Variants in GABRA1 observed in about 807,000 individuals in gnomAD.
GABRA1 encodes gamma-aminobutyric acid receptor subunit alpha-1.
In GABRA1, 9 loss-of-function variants were observed where a neutral mutation model predicts 48.9. That is an observed-to-expected ratio of 0.18 (90% CI 0.11 to 0.32). The LOEUF (loss-of-function observed/expected upper bound fraction) is 0.32, where lower values mean the gene tolerates loss of function less well. GABRA1 is among the 10% of genes least tolerant of loss of function. The pLI, the probability that GABRA1 is intolerant of heterozygous loss-of-function variation, is 1.00. For synonymous variants in GABRA1, 210 were observed against 198.7 expected, an observed-to-expected ratio of 1.06 and a Z score of -0.48; for missense variants, 285 against 553.8, an observed-to-expected ratio of 0.51 and a Z score of 4.87.
At position 161,890,835 on chromosome 5, in the gene GABRA1, C is replaced by T. The variant is rs994048314; in HGVS notation, c.704-63C>T. 2.0e-5 allele frequency: 29 copies of T among 1,451,758 alleles called. No individual in the cohort carries two copies. The East Asian group carries it at 6.1e-4, about 31-fold the overall frequency. The allele number at this position is 1,451,758 out of a possible 1,614,324, so 89.9% of individuals were successfully genotyped here. On this transcript the variant is annotated intron_variant, in intron 7 of 9. Coordinates refer to ENST00000393943, the MANE Select transcript of GABRA1 (RefSeq NM_001127644.2). ...CCAGACCTTTGGTACTCATAGTAAA[C>T]CTCAGAGATTACCTTTTTCTAAAGT... is the stretch of plus-strand genomic sequence containing the variant.
At chr5:161,887,923 C>T (rs1318436384) in intron 7 of GABRA1, among the ~76,000 whole-genome samples, 1 of 151,980 alleles carries the variant, frequency 6.6e-6, no homozygotes, top group Admixed American at 6.6e-5. Flanking sequence ...GAAACTGTAG[C>T]CAAATGAACC....
intron 1 of GABRA1, chr5:161,850,399 T>C (rs1225477592): frequency 4.9e-6 from 2 of 406,518 alleles, no homozygotes; most frequent in Non-Finnish European, 8.7e-6. Flanking sequence ...TTAAAAATTT[T>C]AATGCACAGT....
intron 9 of GABRA1, among the ~76,000 whole-genome samples, chr5:161,896,433 G>GGTAGAAAAT (rs1462483458): frequency 6.6e-6 from 1 of 152,120 alleles, no homozygotes; most frequent in Non-Finnish European, 1.5e-5. Flanking sequence ...AATGCCTCAT[G>GGTAGAAAAT]GTAGAAAATG....
intron 3 of GABRA1, among the ~76,000 whole-genome samples, chr5:161,863,038 C>T (rs902305454): frequency 6.6e-6 from 1 of 151,772 alleles, no homozygotes; most frequent in Admixed American, 6.6e-5. Flanking sequence ...TTTGAATTAT[C>T]GCTTCAAAAC....
intron 7 of GABRA1, among the ~76,000 whole-genome samples, chr5:161,889,964 G>A (rs1581214209): frequency 6.6e-6 from 1 of 151,916 alleles, no homozygotes; most frequent in East Asian, 1.9e-4. Context: ...TCAAAATTTA[G>A]GAAAAATTGG....
chr5:161,848,296 A>G lies in GABRA1; in HGVS notation c.-142A>G, dbSNP rs12658835. The G allele has an allele frequency of 0.19, 28,357 of 151,944 alleles. 3,307 individuals are homozygous for G. The highest frequency in any genetic ancestry group is 0.29 in the Middle Eastern group (86 of 294). 9.4% of individuals were successfully genotyped at this position (151,944 alleles called of 1,614,324 possible). A position where few individuals can be genotyped will look rare whatever the true frequency, so the allele number is the denominator to read the frequency against. ...CAAGTGAGTGAGAGGCAGAGCGAGG[A>G]CGCCCCTCTGCTCTGGCGCGCCCGG... On this transcript the variant is annotated 5_prime_UTR_variant, in exon 1 of 10. Coordinates refer to ENST00000393943, the MANE Select transcript of GABRA1 (RefSeq NM_001127644.2).
intron 8 of GABRA1, among the ~76,000 whole-genome samples, chr5:161,892,242 C>T (rs992062512): frequency 6.6e-6 from 1 of 152,164 alleles, no homozygotes; most frequent in Non-Finnish European, 1.5e-5. Context: ...AACTAGGCAC[C>T]TGCTGTTTTT....
rs913324358 is a variant in GABRA1, at chr5:161,892,183, G to A, written c.856+1133G>A. ...AACTTCATTTGGAAATCACCACTAC[G>A]TATTTATTGGTGAGAGGTGCAATTA... is the stretch of plus-strand genomic sequence containing the variant. On this transcript the variant is annotated intron_variant, in intron 8 of 9. Transcript: ENST00000393943. Among the ~76,000 whole-genome samples, 7 of 152,112 alleles carry A rather than the reference G, an allele frequency of 4.6e-5. No individual in the cohort carries two copies. In the East Asian group the frequency reaches 7.7e-4, roughly 17 times the overall value.
intron 3 of GABRA1, among the ~76,000 whole-genome samples, chr5:161,860,055 T>C (rs1006440044): frequency 2.0e-5 from 3 of 151,848 alleles, no homozygotes; most frequent in Non-Finnish European, 4.4e-5. Flanking sequence ...ATACTGTACC[T>C]AGACATTTCA....
chr5:161,886,956 A>C (rs1294409046), intron 7 of GABRA1, among the ~76,000 whole-genome samples: 1 of 152,128 alleles, frequency 6.6e-6, no homozygotes, highest in Non-Finnish European at 1.5e-5. Flanking sequence ...AGCCCATGCA[A>C]AAATTACTAC....
chr5:161,847,451 A>G (rs899215046), upstream of GABRA1: 2 of 152,162 alleles, frequency 1.3e-5, no homozygotes, highest in Non-Finnish European at 2.9e-5. Flanking sequence ...ACATAGACAA[A>G]CAGTTGCCTC....
At chr5:161,849,374 T>A (rs2113286559) in intron 1 of GABRA1, among the ~76,000 whole-genome samples, 1 of 152,290 alleles carries the variant, frequency 6.6e-6, no homozygotes, top group East Asian at 1.9e-4. Context: ...AATTTTGCAA[T>A]TTAGATGTAG....
In GABRA1 at chr5:161,891,407, G is replaced by A. The variant is rs911090775; in HGVS notation, c.856+357G>A. ...TAACATGAATCACTGAGTTGTTCGA[G>A]AAGCTTAGAAAATATCAGCAGAGCT... On this transcript the variant is annotated intron_variant, in intron 8 of 9. Coordinates refer to ENST00000393943, the MANE Select transcript of GABRA1 (RefSeq NM_001127644.2). Among the ~76,000 whole-genome samples, 4 of 152,178 alleles carry A rather than the reference G, an allele frequency of 2.6e-5. No homozygotes were observed. In the East Asian group the frequency reaches 7.7e-4, roughly 29 times the overall value.
At chr5:161,896,471 T>C (rs1384080913) in intron 9 of GABRA1, among the ~76,000 whole-genome samples, 3 of 152,144 alleles carry the variant, frequency 2.0e-5, no homozygotes, top group Non-Finnish European at 4.4e-5. Flanking sequence ...GCTGCTTCTC[T>C]CAATTAGAAC....
At chr5:161,892,251 T>C (rs1436954977) in intron 8 of GABRA1, among the ~76,000 whole-genome samples, 2 of 152,228 alleles carry the variant, frequency 1.3e-5, no homozygotes, top group African/African-American at 2.4e-5. Flanking sequence ...CCTGCTGTTT[T>C]TAAGAGCTGT....
chr5:161,888,512 A>T (rs1754946582), intron 7 of GABRA1, among the ~76,000 whole-genome samples: 1 of 152,078 alleles, frequency 6.6e-6, no homozygotes, highest in African/African-American at 2.4e-5. Flanking sequence ...TCTTTGCAAA[A>T]ATGTCATGTT....
At position 161,854,181 on chromosome 5, in the gene GABRA1, A is replaced by G; in HGVS notation, c.98A>G (p.Asp33Gly). 1 of 1,604,664 alleles carries G rather than the reference A, an allele frequency of 6.2e-7. No homozygotes were observed. The highest frequency in any genetic ancestry group is 8.5e-7 in the Non-Finnish European group (1 of 1,171,858). ...GRSYGQPSLQDELKDNTTVFT... is the reference protein window; with the variant it reads ...GRSYGQPSLQGELKDNTTVFT... ...AGCTATGGACAGCCGTCATTACAAG[A>G]TGAACTTAAAGACAATACCACTGTC... The change falls in exon 3 of 10, where the codon GAT (aspartate) becomes GGT (glycine). Residue 33 changes from aspartate to glycine, a missense_variant. By Grantham distance (94) the Asp-to-Gly change is moderately conservative (BLOSUM62 -1). Coordinates refer to ENST00000393943, the MANE Select transcript of GABRA1 (RefSeq NM_001127644.2).
intron 7 of GABRA1, among the ~76,000 whole-genome samples, chr5:161,888,086 T>C (rs1192491051): frequency 1.3e-5 from 2 of 152,122 alleles, no homozygotes; most frequent in Admixed American, 1.3e-4. Flanking sequence ...TCAGAAATAT[T>C]GTCACATCTA....
At chr5:161,851,806 CATT>C (rs1454108052) in intron 2 of GABRA1, among the ~76,000 whole-genome samples, 1 of 152,096 alleles carries the variant, frequency 6.6e-6, no homozygotes, top group African/African-American at 2.4e-5. Flanking sequence ...GACAGACAGG[CATT>C]ATTATCAGAT....
Sources: gnomAD v4.1 joint callset for allele counts (sites outside exome capture counted in the v4.1 genomes callset) on GRCh38, gnomAD v4.1.1 for gene constraint, MANE v1.5 for transcripts, NCBI Gene and HGNC (gene_info 2026-07-23, HGNC 2026-07-21) for gene names.